RBFOX1: variants seen among roughly 807,000 people sequenced by gnomAD.
RBFOX1 encodes the protein RNA binding protein fox-1 homolog 1.
A neutral mutation model predicts 57.7 loss-of-function variants in RBFOX1; 8 were observed. The observed-to-expected ratio is 0.14, with a 90% confidence interval of 0.08 to 0.25. RBFOX1 has a LOEUF of 0.25. Among genes scored for constraint, RBFOX1 ranks in the 10% least tolerant of loss-of-function variants. RBFOX1 has a pLI of 1.00. For synonymous variants in RBFOX1, 326 were observed against 222.4 expected (o/e 1.47, Z -4.15); for missense variants, 611 against 548.5 (o/e 1.11, Z -1.14).
intron 5 of RBFOX1, among the ~76,000 whole-genome samples, chr16:7,543,336 G>A (rs1300402227): frequency 6.6e-6 from 1 of 152,206 alleles, no homozygotes; most frequent in Admixed American, 6.5e-5. Flanking sequence ...GTCAGATTCT[G>A]GGAGATATTT....
intron 3 of RBFOX1, among the ~76,000 whole-genome samples, chr16:6,720,574 A>G (rs2065783800): frequency 6.6e-6 from 1 of 152,188 alleles, no homozygotes; most frequent in Non-Finnish European, 1.5e-5. Flanking sequence ...TGGAAGGAGC[A>G]TGGTATGATG....
chr16:6,580,633 GTTGA>G (rs2097524228), intron 2 of RBFOX1, among the ~76,000 whole-genome samples: 1 of 152,142 alleles, frequency 6.6e-6, no homozygotes, highest in South Asian at 2.1e-4. Context: ...ACCAACCTTG[GTTGA>G]TTCTTTTGTG....
At chr16:5,461,398 G>A (rs917087422) in intron 1 of RBFOX1, among the ~76,000 whole-genome samples, 3 of 152,166 alleles carry the variant, frequency 2.0e-5, no homozygotes, top group Non-Finnish European at 2.9e-5. Context: ...AGGCGAGGGG[G>A]TGGCTGAGGA....
chr16:7,411,160 G>T (rs556844465), intron 4 of RBFOX1, among the ~76,000 whole-genome samples: 132 of 152,128 alleles, frequency 8.7e-4, no homozygotes, highest in African/African-American at 3.0e-3. Flanking sequence ...TGGCCAGGTT[G>T]GTCTTGAACT....
intron 1 of RBFOX1, among the ~76,000 whole-genome samples, chr16:5,271,366 C>T (rs1159598408): frequency 7.8e-6 from 1 of 128,198 alleles, no homozygotes; most frequent in Non-Finnish European, 1.7e-5. Context: ...CTTATGCATA[C>T]ATACATACAC....
intron 4 of RBFOX1, among the ~76,000 whole-genome samples, chr16:7,105,448 C>A (rs1432467585): frequency 6.6e-6 from 1 of 152,052 alleles, no homozygotes; most frequent in Non-Finnish European, 1.5e-5. Flanking sequence ...ATACACTGCA[C>A]CCAATTTGTA....
intron 13 of RBFOX1, among the ~76,000 whole-genome samples, chr16:7,668,944 C>A (rs2070418740): frequency 6.6e-6 from 1 of 152,126 alleles, no homozygotes; most frequent in South Asian, 2.1e-4. Flanking sequence ...CGCTCTGTCG[C>A]CCAGGCTGGA....
chr16:5,458,514 T>C (rs2068697015), intron 1 of RBFOX1, among the ~76,000 whole-genome samples: 1 of 152,152 alleles, frequency 6.6e-6, no homozygotes, highest in Non-Finnish European at 1.5e-5. Flanking sequence ...TAGAGATAAA[T>C]GAATCAGGTA....
intron 3 of RBFOX1, among the ~76,000 whole-genome samples, chr16:6,859,111 GTATA>G (rs796794349): frequency 1.5e-4 from 10 of 65,124 alleles, no homozygotes; most frequent in East Asian, 5.4e-4. Flanking sequence ...TAAAAAAAGT[GTATA>G]TATATATATA....
intron 4 of RBFOX1, among the ~76,000 whole-genome samples, chr16:5,978,658 TTTTTTTTG>T (rs1160123637): frequency 1.5e-5 from 1 of 68,148 alleles, no homozygotes; most frequent in Non-Finnish European, 3.0e-5. Context: ...TCTCAAAGTG[TTTTTTTTG>T]TTTTTTTGTT....
At chr16:6,911,294 G>A (rs894605236) in intron 3 of RBFOX1, among the ~76,000 whole-genome samples, 5 of 151,976 alleles carry the variant, frequency 3.3e-5, no homozygotes, top group African/African-American at 1.2e-4. Context: ...CAAACTAGGA[G>A]GCTTCGGCAA....
chr16:6,855,167 C>G (rs567272572), intron 3 of RBFOX1, among the ~76,000 whole-genome samples: 1 of 152,078 alleles, frequency 6.6e-6, no homozygotes, highest in East Asian at 1.9e-4. Context: ...TATACGTGTT[C>G]TGGTGAGCAT....
chr16:6,803,731 T>A (rs1210530937), intron 3 of RBFOX1, among the ~76,000 whole-genome samples: 1 of 152,214 alleles, frequency 6.6e-6, no homozygotes, highest in African/African-American at 2.4e-5. Flanking sequence ...CTTATCTTGC[T>A]TAAGAGTAAT....
chr16:5,904,781 T>C (rs963610295), intron 4 of RBFOX1, among the ~76,000 whole-genome samples: 1 of 151,448 alleles, frequency 6.6e-6, no homozygotes, highest in East Asian at 2.0e-4. Context: ...ATCAAGACCA[T>C]CCTGGCTAAC....
At chr16:6,691,741 A>G (rs2060241471) in intron 3 of RBFOX1, among the ~76,000 whole-genome samples, 1 of 152,186 alleles carries the variant, frequency 6.6e-6, no homozygotes, top group Admixed American at 6.5e-5. Flanking sequence ...ATGGCCAAGG[A>G]ATTTTGCAGA....
chr16:6,656,397 A>G (rs987843899), intron 3 of RBFOX1, among the ~76,000 whole-genome samples: 5 of 152,126 alleles, frequency 3.3e-5, no homozygotes, highest in African/African-American at 1.2e-4. Flanking sequence ...CACAAGGTAA[A>G]TAAGCAGGCA....
chr16:7,276,516 G>T (rs1410104195), intron 4 of RBFOX1, among the ~76,000 whole-genome samples: 1 of 152,118 alleles, frequency 6.6e-6, no homozygotes, highest in Non-Finnish European at 1.5e-5. Context: ...CAAGCAAAGG[G>T]TAGGGAAATC....
chr16:5,654,282 A>G (rs979296973), intron 3 of RBFOX1, among the ~76,000 whole-genome samples: 2 of 152,196 alleles, frequency 1.3e-5, no homozygotes, highest in African/African-American at 4.8e-5. Flanking sequence ...GAGCCAATCC[A>G]TATTGGCTTC....
At chr16:6,714,708 C>T (rs1028383137) in intron 3 of RBFOX1, among the ~76,000 whole-genome samples, 20 of 151,568 alleles carry the variant, frequency 1.3e-4, no homozygotes, top group African/African-American at 4.9e-4. Context: ...CCTGGAGTGC[C>T]TCACGTGGTG....
Sources: allele counts gnomAD v4.1 joint callset (sites outside exome capture counted in the v4.1 genomes callset), GRCh38; gene constraint gnomAD v4.1.1; transcripts MANE v1.5; gene names NCBI Gene and HGNC (gene_info 2026-07-23, HGNC 2026-07-21).